Variants in AFF2 observed in about 807,000 individuals in gnomAD.
The protein encoded by AFF2 is AF4/FMR2 family member 2.
A neutral mutation model predicts 76.9 loss-of-function variants in AFF2; 14 were observed. The ratio of observed to expected loss-of-function variants is 0.18; its 90% confidence interval spans 0.12 to 0.28. The LOEUF (loss-of-function observed/expected upper bound fraction) is 0.28, where lower values mean the gene tolerates loss of function less well. Ranked by LOEUF, AFF2 falls within the 10% of genes least tolerant of loss-of-function variation. The pLI, the probability that AFF2 is intolerant of heterozygous loss-of-function variation, is 1.00. For synonymous variants in AFF2, 398 were observed against 366.7 expected (o/e 1.09, Z -0.98); for missense variants, 868 against 1,001.1 (o/e 0.87, Z 1.79).
chrX:148,733,087 T>C (rs2055246637), intron 3 of AFF2, among the ~76,000 whole-genome samples: 1 of 111,523 alleles, frequency 9.0e-6, no homozygotes, highest in Admixed American at 9.5e-5. Flanking sequence ...ATAATAAATA[T>C]TATTTTATTG....
rs782699364 is a variant in AFF2, at chrX:149,000,555, A to C, written c.*9223A>C. 3 of 113,101 alleles carry C rather than the reference A, an allele frequency of 2.7e-5. No homozygotes were observed. The highest frequency in any genetic ancestry group is 3.7e-5 in the Non-Finnish European group (2 of 53,374). The allele number at this position is 113,101 out of a possible 1,213,427, so 9.3% of individuals were successfully genotyped here. ...TTTCCAACAAGATGTCTCTGTAAAA[A>C]TGATATTGGCTGAGCTGGTGCGTTG... On this transcript the variant is annotated 3_prime_UTR_variant, in exon 21 of 21. Coordinates refer to ENST00000370460, the MANE Select transcript of AFF2 (RefSeq NM_002025.4).
At chrX:148,866,543 C>T (rs1310879083) in intron 7 of AFF2, among the ~76,000 whole-genome samples, 1 of 112,230 alleles carries the variant, frequency 8.9e-6, no homozygotes, top group Non-Finnish European at 1.9e-5. Context: ...CAAAATGCCA[C>T]CAGCCTCCTG....
At chrX:148,951,403 A>C (rs1557286615) in intron 9 of AFF2, among the ~76,000 whole-genome samples, 1 of 111,859 alleles carries the variant, frequency 8.9e-6, no homozygotes, top group Non-Finnish European at 1.9e-5. Context: ...TCCAAAGTCA[A>C]CCTAGAGTCT....
chrX:148,966,067 G>C (rs1363186770), intron 13 of AFF2, among the ~76,000 whole-genome samples: 1 of 111,673 alleles, frequency 9.0e-6, no homozygotes, highest in Non-Finnish European at 1.9e-5. Flanking sequence ...AGCAATGACA[G>C]TTCAAAGCAA....
intron 9 of AFF2, among the ~76,000 whole-genome samples, chrX:148,948,549 T>C (rs782695983): frequency 2.7e-5 from 3 of 111,682 alleles, no homozygotes; most frequent in Admixed American, 9.5e-5. Flanking sequence ...TATGAAAATA[T>C]GTTGCAAGTT....
At chrX:148,706,859 A>C (rs997134468) in intron 3 of AFF2, among the ~76,000 whole-genome samples, 5 of 112,379 alleles carry the variant, frequency 4.4e-5, no homozygotes, top group African/African-American at 1.6e-4. Flanking sequence ...TAAACAGAAG[A>C]TTCTCTTTTT....
intron 1 of AFF2, among the ~76,000 whole-genome samples, chrX:148,588,192 A>G (rs1427203807): frequency 1.8e-5 from 2 of 113,048 alleles, no homozygotes; most frequent in African/African-American, 6.4e-5. Context: ...TGTCAACGTT[A>G]ATCCAGAATT....
chrX:148,760,594 T>A (rs2069427847), intron 3 of AFF2, among the ~76,000 whole-genome samples: 1 of 111,377 alleles, frequency 9.0e-6, no homozygotes, highest in African/African-American at 3.3e-5. Context: ...ACTGACTCAA[T>A]GGGTTATGAG....
chrX:148,794,346 G>A lies in AFF2; in HGVS notation c.1042-15530G>A, dbSNP rs782263080. Among the ~76,000 whole-genome samples the A allele has an allele frequency of 4.5e-5, 5 of 111,935 alleles. No homozygotes were observed. The East Asian group carries it at 1.4e-3, about 31-fold the overall frequency. On this transcript the variant is annotated intron_variant, in intron 3 of 20. Coordinates refer to ENST00000370460, the MANE Select transcript of AFF2 (RefSeq NM_002025.4). ...AATCAATATTGACTGTGGATGTTGGGGGGAGGACAATTTTGAGGGCACATC... is the reference window on the plus strand; with the variant it reads ...AATCAATATTGACTGTGGATGTTGGAGGGAGGACAATTTTGAGGGCACATC...
At chrX:148,665,638 G>A (rs144478210) in intron 3 of AFF2, among the ~76,000 whole-genome samples, 1,195 of 111,422 alleles carry the variant, frequency 0.011, 5 homozygotes, top group Non-Finnish European at 0.017. Context: ...ATATAGACAG[G>A]GAGGAGCATT....
chrX:148,586,825 G>A (rs1330821761), intron 1 of AFF2, among the ~76,000 whole-genome samples: 4 of 111,008 alleles, frequency 3.6e-5, no homozygotes, highest in African/African-American at 1.3e-4. Flanking sequence ...AATCTAATGG[G>A]GTAGGCTTAG....
chrX:148,887,014 G>A (rs2071167293), intron 8 of AFF2, among the ~76,000 whole-genome samples: 1 of 112,607 alleles, frequency 8.9e-6, no homozygotes, highest in Admixed American at 9.4e-5. Context: ...CTACCATTCT[G>A]GTATACTTTA....
intron 1 of AFF2, among the ~76,000 whole-genome samples, chrX:148,541,256 G>A (rs782562682): frequency 1.5e-3 from 174 of 112,317 alleles, no homozygotes; most frequent in Non-Finnish European, 2.8e-3. Flanking sequence ...TACAGTTAAC[G>A]TTTCATTACC....
intron 8 of AFF2, among the ~76,000 whole-genome samples, chrX:148,901,666 T>G (rs782713051): frequency 1.8e-5 from 2 of 112,423 alleles, no homozygotes; most frequent in African/African-American, 6.5e-5. Context: ...TTTGTGTATC[T>G]TGTAGAATAA....
intron 1 of AFF2, among the ~76,000 whole-genome samples, chrX:148,580,886 C>A (rs1569551567): frequency 1.9e-5 from 2 of 106,926 alleles, no homozygotes; most frequent in Non-Finnish European, 1.9e-5. Context: ...TTTTGACATA[C>A]AGAAAGTTAT....
At chrX:148,717,602 G>A (rs185732453) in intron 3 of AFF2, among the ~76,000 whole-genome samples, 50 of 111,970 alleles carry the variant, frequency 4.5e-4, no homozygotes, top group African/African-American at 1.6e-3. Context: ...AGCAGGTCAA[G>A]GAGGACCTGG....
intron 1 of AFF2, among the ~76,000 whole-genome samples, chrX:148,610,933 G>C (rs1339638390): frequency 2.7e-5 from 3 of 111,982 alleles, no homozygotes; most frequent in African/African-American, 9.7e-5. Context: ...GGGAAATAAA[G>C]CTAAGGAGGA....
Position 148,977,920 on chromosome X carries a change from T to TTTCTC in AFF2, c.3405-9_3405-5dup. ...ATACAGATTCCACTTTAGCTTTTCTTTTCTCTTCAAAGGTATGCAATGAGG... is the reference window on the plus strand; with the variant it reads ...ATACAGATTCCACTTTAGCTTTTCTTTTCTCTTCTCTTCAAAGGTATGCAATGAGG... On this transcript the variant is annotated splice_polypyrimidine_tract_variant and intron_variant, in intron 16 of 20. Coordinates refer to ENST00000370460, the MANE Select transcript of AFF2 (RefSeq NM_002025.4). 1 of 1,183,433 alleles carries TTTCTC rather than the reference T, an allele frequency of 8.4e-7. No homozygotes were observed. The highest frequency in any genetic ancestry group is 1.1e-6 in the Non-Finnish European group (1 of 870,098).
intron 1 of AFF2, among the ~76,000 whole-genome samples, chrX:148,553,014 C>T (rs5936212): frequency 0.27 from 29,705 of 110,623 alleles, 3,030 homozygotes; most frequent in Non-Finnish European, 0.3. Context: ...GGGAATTGCA[C>T]CAAAGATCTG....
Sources: allele counts gnomAD v4.1 joint callset (sites outside exome capture counted in the v4.1 genomes callset), GRCh38; gene constraint gnomAD v4.1.1; transcripts MANE v1.5; gene names NCBI Gene and HGNC (gene_info 2026-07-23, HGNC 2026-07-21).